Variants in ADAM9 observed in about 807,000 individuals in gnomAD.
ADAM9 encodes the protein disintegrin and metalloproteinase domain-containing protein 9.
ADAM9 carries 54 observed loss-of-function variants against 108.1 expected under a neutral mutation model. The ratio of observed to expected loss-of-function variants is 0.50; its 90% confidence interval spans 0.40 to 0.63. ADAM9 has a LOEUF of 0.63. ADAM9 is among the 20% of genes least tolerant of loss of function. The pLI, the probability that ADAM9 is intolerant of heterozygous loss-of-function variation, is 0.00. For missense variants in ADAM9, 830 were observed against 997.7 expected (o/e 0.83, Z 2.26); for synonymous variants, 316 against 336.0 (o/e 0.94, Z 0.65).
At chr8:39,089,529 C>G (rs938228098) in intron 18 of ADAM9, among the ~76,000 whole-genome samples, 1 of 152,138 alleles carries the variant, frequency 6.6e-6, no homozygotes, top group Non-Finnish European at 1.5e-5. Flanking sequence ...GTTATTATAC[C>G]TGCACTAATA....
In ADAM9 at chr8:39,018,334, T is replaced by A. The variant is rs144889944; in HGVS notation, c.607-519T>A. 3.3e-5 allele frequency among the ~76,000 whole-genome samples: 5 copies of A among 152,358 alleles called. No individual in the cohort carries two copies. In the East Asian group the frequency reaches 9.6e-4, roughly 29 times the overall value. ...CATTAAAATTTTTGCTTATTCTACT[T>A]CGCATGAATTTCTGTAAAATGACAA... is the stretch of plus-strand genomic sequence containing the variant. On this transcript the variant is annotated intron_variant, in intron 6 of 21. Transcript: ENST00000487273.
chr8:39,049,847 T>C (rs566681009), intron 12 of ADAM9, among the ~76,000 whole-genome samples: 29 of 152,226 alleles, frequency 1.9e-4, no homozygotes, highest in Non-Finnish European at 2.8e-4. Flanking sequence ...ATATATTTAT[T>C]CTTACTAATT....
intron 12 of ADAM9, among the ~76,000 whole-genome samples, chr8:39,048,393 C>G (rs531378793): frequency 1.4e-4 from 21 of 151,942 alleles, no homozygotes; most frequent in Non-Finnish European, 2.8e-4. Flanking sequence ...TTATTGTTGT[C>G]TTTTTCTATT....
intron 10 of ADAM9, among the ~76,000 whole-genome samples, chr8:39,026,372 A>G (rs1235261442): frequency 6.6e-6 from 1 of 152,210 alleles, no homozygotes; most frequent in Non-Finnish European, 1.5e-5. Flanking sequence ...GTGAGGAAAC[A>G]TGTACTCCAT....
rs1470482584 is a variant in ADAM9 at position 39,023,254 on chromosome 8, G to A, written c.843G>A (p.Leu281=). 6.2e-7 allele frequency: 1 copy of A among 1,613,732 alleles called. No individual in the cohort carries two copies. Among genetic ancestry groups the A allele is most frequent in the South Asian group, 1.1e-5 (1 of 91,024 alleles). The part of the protein sequence containing the change: ...INIVGGAGDV[L]GNFVQWREKF... ...TAGTTGGGGGTGCTGGTGATGTGCT[G>A]GGGAACTTCGTGCAGTGGCGGGAAA... The change falls in exon 9 of 22, where the codon CTG becomes CTA. Residue 281 remains leucine (L), a synonymous_variant. Transcript: ENST00000487273.
At chr8:39,037,466 T>C (rs992460176) in intron 11 of ADAM9, among the ~76,000 whole-genome samples, 1 of 147,010 alleles carries the variant, frequency 6.8e-6, no homozygotes, top group African/African-American at 2.5e-5. Context: ...GTGTTTTTTT[T>C]TTTTTTTTGG....
chr8:39,037,203 G>A (rs913326997), intron 11 of ADAM9, among the ~76,000 whole-genome samples: 8 of 148,814 alleles, frequency 5.4e-5, no homozygotes, highest in South Asian at 2.1e-4. Context: ...GACTACAGGC[G>A]CCCGCCACTG....
rs759417810 is a variant in ADAM9, at chr8:39,017,267, G to A, written c.459G>A (p.Gln153=). The A allele has an allele frequency of 4.1e-5, 66 of 1,613,982 alleles. No individual in the cohort carries two copies. Residue 153 remains glutamine, a synonymous_variant, in exon 6 of 22, where the codon CAG becomes CAA. Coordinates refer to ENST00000487273, the MANE Select transcript of ADAM9 (RefSeq NM_003816.3). Reference sequence around the variant, plus strand: ...CGAGTTATGGGATTGAACCCCTGCAGAACAGCTCTCATTTTGAGCACATCA... The same window carrying A: ...CGAGTTATGGGATTGAACCCCTGCAAAACAGCTCTCATTTTGAGCACATCA... ...ENASYGIEPL[Q]NSSHFEHIIY...
chr8:39,092,625 C>G (rs988034209), intron 20 of ADAM9, among the ~76,000 whole-genome samples: 4 of 151,212 alleles, frequency 2.6e-5, no homozygotes, highest in African/African-American at 9.7e-5. Flanking sequence ...GTAAATTTAA[C>G]AGTAGTGGTA....
chr8:39,074,675 G>A (rs975238512), intron 15 of ADAM9, among the ~76,000 whole-genome samples: 1 of 151,656 alleles, frequency 6.6e-6, no homozygotes, highest in Non-Finnish European at 1.5e-5. Flanking sequence ...TCCAACATCC[G>A]GACTCAATCA....
intron 21 of ADAM9, among the ~76,000 whole-genome samples, chr8:39,102,593 T>C (rs772565106): frequency 1.3e-5 from 2 of 152,170 alleles, no homozygotes; most frequent in Non-Finnish European, 2.9e-5. Flanking sequence ...TCTTATGTTT[T>C]GCTCATGATC....
rs776422935 is a variant in ADAM9 at position 39,103,967 on chromosome 8, C to T, written c.*267C>T. The T allele has an allele frequency of 1.1e-5, 7 of 614,152 alleles. No individual in the cohort carries two copies. Among genetic ancestry groups the T allele is most frequent in the South Asian group, 1.1e-4 (7 of 65,906 alleles). The allele number at this position is 614,152 out of a possible 1,614,324, so 38.0% of individuals were successfully genotyped here. A position where few individuals can be genotyped will look rare whatever the true frequency, so the allele number is the denominator to read the frequency against. On this transcript the variant is annotated 3_prime_UTR_variant, in exon 22 of 22. Transcript: ENST00000487273. The stretch of plus-strand genomic sequence containing the variant: ...TTCAGTCATCGGTGAGGTTAATGCA[C>T]TAATCATGGATTTTTTGAACATGTT...
At chr8:39,050,398 A>G (rs1476910585) in intron 12 of ADAM9, among the ~76,000 whole-genome samples, 1 of 149,752 alleles carries the variant, frequency 6.7e-6, no homozygotes, top group Non-Finnish European at 1.5e-5. Flanking sequence ...CAGTGTGTAT[A>G]TTAGTCTCTT....
At chr8:39,077,202 GT>G (rs1485217604) in intron 15 of ADAM9, 25 bp from the exon 16 acceptor site, 2 of 1,612,582 alleles carry the variant, frequency 1.2e-6, no homozygotes, top group Non-Finnish European at 1.7e-6. Flanking sequence ...TGCATTTTAT[GT>G]TGCATTATTT....
intron 11 of ADAM9, among the ~76,000 whole-genome samples, chr8:39,029,446 G>A (rs1386205533): frequency 1.3e-5 from 2 of 152,188 alleles, no homozygotes; most frequent in East Asian, 3.8e-4. Flanking sequence ...AGTGGCCAAA[G>A]TGAGTACCTA....
At chr8:39,002,841 T>C (rs1836046176) in intron 1 of ADAM9, among the ~76,000 whole-genome samples, 1 of 152,196 alleles carries the variant, frequency 6.6e-6, no homozygotes, top group African/African-American at 2.4e-5. Flanking sequence ...GTTTTCTCTT[T>C]TTCTTTTTTT....
intron 11 of ADAM9, among the ~76,000 whole-genome samples, chr8:39,032,670 A>G (rs7013359): frequency 0.81 from 123,169 of 152,198 alleles, 49,997 homozygotes; most frequent in East Asian, 0.95. Flanking sequence ...CCCTCTGTGG[A>G]CTACACCCAC....
intron 15 of ADAM9, 27 bp downstream of exon 15, chr8:39,071,430 A>G (rs768692103): frequency 5.2e-5 from 76 of 1,469,294 alleles, no homozygotes; most frequent in African/African-American, 7.1e-5. Context: ...TCATAATGGA[A>G]TATGAAAGAT....
chr8:39,025,951 T>C (rs1272867053), intron 10 of ADAM9, 67 bp downstream of exon 10: 31 of 1,466,590 alleles, frequency 2.1e-5, no homozygotes, highest in Non-Finnish European at 3.0e-5. Flanking sequence ...TTATTGACTG[T>C]ATACTTCCTC....
Sources: gnomAD v4.1 joint callset for allele counts (sites outside exome capture counted in the v4.1 genomes callset) on GRCh38, gnomAD v4.1.1 for gene constraint, MANE v1.5 for transcripts, NCBI Gene and HGNC (gene_info 2026-07-23, HGNC 2026-07-21) for gene names.